RASAL2: variants seen among roughly 807,000 people sequenced by gnomAD.
The protein encoded by RASAL2 is ras GTPase-activating protein nGAP.
In RASAL2, 58 loss-of-function variants were observed where a neutral mutation model predicts 128.9. That is an observed-to-expected ratio of 0.45 (90% confidence interval 0.36 to 0.56). The LOEUF (loss-of-function observed/expected upper bound fraction) is 0.56. Among genes scored for constraint, RASAL2 ranks in the 20% least tolerant of loss-of-function variants. RASAL2 has a pLI of 0.00. For synonymous variants in RASAL2, 561 were observed against 580.8 expected (o/e 0.97, Z 0.49); for missense variants, 1,360 against 1,601.6 (o/e 0.85, Z 2.57).
chr1:178,240,743 T>G (rs566592202), intron 1 of RASAL2, among the ~76,000 whole-genome samples: 1 of 151,748 alleles, frequency 6.6e-6, no homozygotes, highest in African/African-American at 2.4e-5. Flanking sequence ...ATTAAGCTAA[T>G]TATTAACAAC....
At position 178,244,969 on chromosome 1, in the gene RASAL2, T is replaced by C. The variant is rs377054499; in HGVS notation, c.203-38595T>C. On this transcript the variant is annotated intron_variant, in intron 1 of 17. Coordinates refer to ENST00000367649, the MANE Select transcript of RASAL2 (RefSeq NM_170692.4). ...TATGTGCCACGTTTTCTTTATCCAGTCTATCATTGATGGGCATTTGGGTTG... is the reference window on the plus strand; with the variant it reads ...TATGTGCCACGTTTTCTTTATCCAGCCTATCATTGATGGGCATTTGGGTTG... Among the ~76,000 whole-genome samples the C allele has an allele frequency of 4.9e-4, 74 of 152,338 alleles. 1 individual carries two copies. In the South Asian group the frequency reaches 0.015, roughly 31 times the overall value.
intron 3 of RASAL2, among the ~76,000 whole-genome samples, chr1:178,331,368 T>C (rs1039209602): frequency 1.7e-4 from 26 of 152,180 alleles, no homozygotes; most frequent in Admixed American, 7.9e-4. Flanking sequence ...CCGTGTCCTA[T>C]GACATTGTCA....
intron 1 of RASAL2, among the ~76,000 whole-genome samples, chr1:178,248,670 G>A (rs1394123693): frequency 6.6e-6 from 1 of 152,186 alleles, no homozygotes; most frequent in Non-Finnish European, 1.5e-5. Context: ...TGTTTTTGCA[G>A]TAATTGGTAC....
intron 1 of RASAL2, among the ~76,000 whole-genome samples, chr1:178,248,999 A>T (rs1443123293): frequency 6.6e-5 from 10 of 152,090 alleles, no homozygotes. Context: ...ACTTTGGAGA[A>T]TCTGATGATT....
intron 3 of RASAL2, among the ~76,000 whole-genome samples, chr1:178,350,798 G>A (rs561519476): frequency 3.9e-5 from 6 of 152,206 alleles, no homozygotes; most frequent in East Asian, 1.9e-4. Flanking sequence ...ACTACTTGGC[G>A]CTTACTTTTT....
intron 1 of RASAL2, among the ~76,000 whole-genome samples, chr1:178,161,014 T>A (rs1571563942): frequency 6.6e-6 from 1 of 152,192 alleles, no homozygotes; most frequent in Admixed American, 6.5e-5. Context: ...TTGTTCCACA[T>A]AGGTGAGAGT....
Position 178,473,333 on chromosome 1 carries a change from T to C in RASAL2, c.*94T>C. 6.9e-7 allele frequency: 1 copy of C among 1,454,768 alleles called. No homozygotes were observed. The highest frequency in any genetic ancestry group is 9.5e-7 in the Non-Finnish European group (1 of 1,055,770). 90.1% of individuals were successfully genotyped at this position (1,454,768 alleles called of 1,614,324 possible). A position where few individuals can be genotyped will look rare whatever the true frequency, so the allele number is the denominator to read the frequency against. On this transcript the variant is annotated 3_prime_UTR_variant, in exon 18 of 18. Coordinates refer to ENST00000367649, the MANE Select transcript of RASAL2 (RefSeq NM_170692.4). ...CCCCTCCAGGTTTACAGAATGTTGCTACTTCACAATGGCGATGTGGTGAGA... is the reference window on the plus strand; with the variant it reads ...CCCCTCCAGGTTTACAGAATGTTGCCACTTCACAATGGCGATGTGGTGAGA...
At chr1:178,455,296 TAGTCTA>T (rs1174433110) in intron 12 of RASAL2, among the ~76,000 whole-genome samples, 1 of 152,208 alleles carries the variant, frequency 6.6e-6, no homozygotes, top group Non-Finnish European at 1.5e-5. Flanking sequence ...TAGTAAAAAA[TAGTCTA>T]AAAGACGTTG....
chr1:178,184,999 C>T (rs908273156), intron 1 of RASAL2, among the ~76,000 whole-genome samples: 10 of 151,792 alleles, frequency 6.6e-5, no homozygotes, highest in African/African-American at 1.9e-4. Context: ...TGTTCCATAG[C>T]TTTTGCATGC....
chr1:178,465,820 AAAAGAAAAAAAGAAAGAAAGAG>A, intron 15 of RASAL2, 78 bp from the exon 16 acceptor site: 1 of 1,140,106 alleles, frequency 8.8e-7, no homozygotes, highest in Non-Finnish European at 1.2e-6. Context: ...AGAAAAAAGA[AAAAGAAAAAAAGAAAGAAAGAG>A]AAAGAAAGAA....
chr1:178,309,940 A>C (rs1281177926), intron 3 of RASAL2, among the ~76,000 whole-genome samples: 2 of 152,186 alleles, frequency 1.3e-5, no homozygotes, highest in Non-Finnish European at 2.9e-5. Flanking sequence ...ACACTCATGC[A>C]GTGAACTGAG....
At chr1:178,178,112 T>C (rs1661955748) in intron 1 of RASAL2, among the ~76,000 whole-genome samples, 1 of 152,132 alleles carries the variant, frequency 6.6e-6, no homozygotes, top group Non-Finnish European at 1.5e-5. Flanking sequence ...TGAGTGCTTC[T>C]TAACACTAGT....
intron 3 of RASAL2, among the ~76,000 whole-genome samples, chr1:178,322,653 CAT>C (rs1462099018): frequency 1.3e-5 from 2 of 152,172 alleles, no homozygotes; most frequent in Non-Finnish European, 2.9e-5. Flanking sequence ...AATAGCTACT[CAT>C]ATATCTTTTC....
At chr1:178,333,328 G>C (rs1669433638) in intron 3 of RASAL2, among the ~76,000 whole-genome samples, 1 of 152,150 alleles carries the variant, frequency 6.6e-6, no homozygotes, top group African/African-American at 2.4e-5. Flanking sequence ...CGCCCGGCCA[G>C]ATTTATTAAT....
At position 178,207,698 on chromosome 1, in the gene RASAL2, A is replaced by G. The variant is rs138976014; in HGVS notation, c.203-75866A>G. ...ATGCATATGGTTAATAACTTATATC[A>G]TACAGCTTATAATAAAAAACAGTCC... On this transcript the variant is annotated intron_variant, in intron 1 of 17. Transcript: ENST00000367649. Among the ~76,000 whole-genome samples the G allele has an allele frequency of 2.0e-5, 3 of 152,254 alleles. No individual in the cohort carries two copies. The East Asian group carries it at 5.8e-4, about 29-fold the overall frequency.
At chr1:178,102,761 T>C (rs1658951274) in intron 1 of RASAL2, among the ~76,000 whole-genome samples, 1 of 152,214 alleles carries the variant, frequency 6.6e-6, no homozygotes, top group Admixed American at 6.5e-5. Flanking sequence ...TAAAAAGATA[T>C]TCCATGAGCT....
chr1:178,379,752 A>G (rs185507779), intron 3 of RASAL2, among the ~76,000 whole-genome samples: 5,119 of 152,264 alleles, frequency 0.034, 118 homozygotes, highest in Non-Finnish European at 0.049. Context: ...GAAAAAGTGT[A>G]GAACAGAAGA....
At chr1:178,328,295 G>A (rs111975680) in intron 3 of RASAL2, among the ~76,000 whole-genome samples, 1 of 151,962 alleles carries the variant, frequency 6.6e-6, no homozygotes, top group Non-Finnish European at 1.5e-5. Flanking sequence ...CATAGTAGGT[G>A]TATATATTTA....
chr1:178,352,431 A>T (rs1382822207), intron 3 of RASAL2, among the ~76,000 whole-genome samples: 3 of 152,198 alleles, frequency 2.0e-5, no homozygotes, highest in Non-Finnish European at 4.4e-5. Context: ...GGACACACTG[A>T]TGTGAGAGGT....
Sources: allele counts gnomAD v4.1 joint callset (sites outside exome capture counted in the v4.1 genomes callset), GRCh38; gene constraint gnomAD v4.1.1; transcripts MANE v1.5; gene names NCBI Gene and HGNC (gene_info 2026-07-23, HGNC 2026-07-21).